The following UHRF1 variants were observed in gnomAD, a reference collection of about 807,000 sequenced individuals.
UHRF1 encodes the protein ubiquitin like with PHD and ring finger domains 1, also known as E3 ubiquitin-protein ligase UHRF1.
In UHRF1, 9 loss-of-function variants were observed where a neutral mutation model predicts 96.5. The observed-to-expected ratio is 0.09, with a 90% CI of 0.06 to 0.16. The LOEUF (loss-of-function observed/expected upper bound fraction) is 0.16, where lower values mean the gene tolerates loss of function less well. UHRF1 is among the 10% of genes least tolerant of loss of function. The pLI is 1.00. For missense variants in UHRF1, 626 were observed against 1,131.1 expected (o/e 0.55, Z 6.40); for synonymous variants, 455 against 469.9 (o/e 0.97, Z 0.41).
upstream of UHRF1, among the ~76,000 whole-genome samples, chr19:4,908,811 C>G (rs768808358): frequency 1.3e-5 from 2 of 152,174 alleles, no homozygotes. Context: ...CCATGTACAC[C>G]GCTGGGTTCT....
At chr19:4,946,976 A>G (rs768999512) in intron 10 of UHRF1, 129 bp from the exon 11 acceptor site, 11 of 704,230 alleles carry the variant, frequency 1.6e-5, no homozygotes, top group African/African-American at 3.6e-5. Context: ...ATTTCCCCAC[A>G]TTCTCACCAA....
chr19:4,933,226 T>C (rs1274791377), intron 5 of UHRF1, among the ~76,000 whole-genome samples: 1 of 152,130 alleles, frequency 6.6e-6, no homozygotes, highest in Non-Finnish European at 1.5e-5. Flanking sequence ...ACTTCCTTTT[T>C]CTCATGGTGT....
upstream of UHRF1, among the ~76,000 whole-genome samples, chr19:4,907,932 G>A (rs1303667792): frequency 6.7e-6 from 1 of 149,240 alleles, no homozygotes; most frequent in Non-Finnish European, 1.5e-5. Context: ...GGCTGGTCTC[G>A]AACTCCTGAC....
At chr19:4,905,504 T>C (rs1277716587), upstream of UHRF1, among the ~76,000 whole-genome samples, 1 of 151,492 alleles carries the variant, frequency 6.6e-6, no homozygotes, top group Non-Finnish European at 1.5e-5. Context: ...TTAGTGTATT[T>C]TATTATTTAT....
intron 2 of UHRF1, among the ~76,000 whole-genome samples, chr19:4,918,404 G>A (rs963527324): frequency 3.3e-5 from 5 of 151,164 alleles, no homozygotes; most frequent in Middle Eastern, 3.2e-3. Context: ...TTACAAGTAT[G>A]AGTCACTGTG....
Position 4,961,961 on chromosome 19 carries a change from A to G in UHRF1, c.*1158A>G, listed in dbSNP as rs1427837252. The G allele has an allele frequency of 6.6e-6, 1 of 152,250 alleles. No homozygotes were observed. Among genetic ancestry groups the G allele is most frequent in the Non-Finnish European group, 1.5e-5 (1 of 68,048 alleles). The allele number at this position is 152,250 out of a possible 1,614,324, so 9.4% of individuals were successfully genotyped here. ...AAGTTTGCAGCCTATACCTCAATAAAACAGGGATATTTTAAATCACATACC... is the reference window on the plus strand; with the variant it reads ...AAGTTTGCAGCCTATACCTCAATAAGACAGGGATATTTTAAATCACATACC... On this transcript the variant is annotated 3_prime_UTR_variant, in exon 17 of 17. Transcript: ENST00000650932.
intron 15 of UHRF1, among the ~76,000 whole-genome samples, chr19:4,956,203 T>A (rs191873200): frequency 1.8e-3 from 269 of 152,330 alleles, no homozygotes; most frequent in African/African-American, 6.4e-3. Context: ...AGTACTGGGA[T>A]TACAGGCGTG....
At chr19:4,929,122 C>CCA (rs59999618) in intron 2 of UHRF1, 100 bp from the exon 3 acceptor site, 1 of 1,439,294 alleles carries the variant, frequency 6.9e-7, no homozygotes, top group South Asian at 1.3e-5. Context: ...GCCCCCCCCC[C>CCA]ACAAGGGCTG....
At chr19:4,903,826 A>G in intron 1 of UHRF1, among the ~76,000 whole-genome samples, 1 of 152,064 alleles carries the variant, frequency 6.6e-6, no homozygotes, top group Admixed American at 6.6e-5. Context: ...TTTTCATCTT[A>G]AAGACTCTAC....
chr19:4,949,706 C>T (rs1027043522), intron 11 of UHRF1, among the ~76,000 whole-genome samples: 10 of 151,930 alleles, frequency 6.6e-5, no homozygotes, highest in African/African-American at 1.9e-4. Context: ...TGGTTATGGT[C>T]GTGTGGGCCT....
intron 5 of UHRF1, among the ~76,000 whole-genome samples, chr19:4,933,684 C>T (rs963338504): frequency 6.6e-6 from 1 of 152,186 alleles, no homozygotes; most frequent in African/African-American, 2.4e-5. Context: ...CAGGGACATT[C>T]TGTTCATAAA....
At chr19:4,907,870 G>A (rs1490999198), upstream of UHRF1, among the ~76,000 whole-genome samples, 1 of 151,810 alleles carries the variant, frequency 6.6e-6, no homozygotes, top group Non-Finnish European at 1.5e-5. Flanking sequence ...GTGCCACCAC[G>A]CCAGGCTAAT....
In UHRF1 at chr19:4,946,003, C is replaced by G. The variant is rs775627873; in HGVS notation, c.1410+38C>G. The G allele has an allele frequency of 7.6e-6, 11 of 1,445,104 alleles. No homozygotes were observed. In the East Asian group the frequency reaches 2.4e-4, roughly 32 times the overall value. 89.5% of individuals were successfully genotyped at this position (1,445,104 alleles called of 1,614,324 possible). A position where few individuals can be genotyped will look rare whatever the true frequency, so the allele number is the denominator to read the frequency against. ...GTGGGAGGGGTGGGGGAGGGTTGCT[C>G]TAGTTTTTTGGATGGTGGTAAAATA... On this transcript the variant is annotated intron_variant, in intron 10 of 16. Coordinates refer to ENST00000650932, the MANE Select transcript of UHRF1 (RefSeq NM_001048201.3).
At chr19:4,915,110 T>G (rs1391547500) in intron 2 of UHRF1, among the ~76,000 whole-genome samples, 1 of 152,228 alleles carries the variant, frequency 6.6e-6, no homozygotes, top group Admixed American at 6.5e-5. Context: ...AAAGGCAGGA[T>G]TAAGGTCAGT....
chr19:4,928,114 C>A (rs1171278731), intron 2 of UHRF1, among the ~76,000 whole-genome samples: 1 of 152,092 alleles, frequency 6.6e-6, no homozygotes, highest in African/African-American at 2.4e-5. Flanking sequence ...ACCCCCCCAC[C>A]CCATACCGTA....
chr19:4,914,138 C>A (rs947057137), intron 2 of UHRF1, among the ~76,000 whole-genome samples: 19 of 152,062 alleles, frequency 1.2e-4, no homozygotes, highest in African/African-American at 4.3e-4. Flanking sequence ...CATGCAGTAG[C>A]TTTTAAGAGA....
chr19:4,939,064 C>A lies in UHRF1; in HGVS notation c.786-2464C>A, dbSNP rs879268560. Among the ~76,000 whole-genome samples the A allele has an allele frequency of 2.3e-3, 349 of 150,326 alleles. 1 individual carries two copies. Among genetic ancestry groups the A allele is most frequent in the Non-Finnish European group, 3.8e-3 (256 of 67,404 alleles). ...GAGTAGCTGGGATTACAGGCGTGCT[C>A]CACTGCACCTGGCTCATTTTTTTTT... On this transcript the variant is annotated intron_variant, in intron 5 of 16. Transcript: ENST00000650932.
intron 2 of UHRF1, among the ~76,000 whole-genome samples, chr19:4,916,336 C>T (rs2032500108): frequency 6.6e-6 from 1 of 151,690 alleles, no homozygotes; most frequent in African/African-American, 2.4e-5. Context: ...AAATTGAAAG[C>T]TGAGAAATTC....
intron 5 of UHRF1, among the ~76,000 whole-genome samples, chr19:4,941,085 GTTTTTTTTTTTTT>G (rs869250736): frequency 6.0e-5 from 3 of 50,082 alleles, no homozygotes; most frequent in African/African-American, 2.8e-4. Flanking sequence ...TCTGTGTTTT[GTTTTTTTTTTTTT>G]TTTTTTTTTT....
Sources: gnomAD v4.1 joint callset for allele counts (sites outside exome capture counted in the v4.1 genomes callset) on GRCh38, gnomAD v4.1.1 for gene constraint, MANE v1.5 for transcripts, NCBI Gene and HGNC (gene_info 2026-07-23, HGNC 2026-07-21) for gene names.